The following TENM3 variants were observed in gnomAD, a reference collection of about 807,000 sequenced individuals.
TENM3 encodes the protein teneurin-3.
TENM3 carries 63 observed loss-of-function variants against 255.1 expected under a neutral mutation model. The ratio of observed to expected loss-of-function variants is 0.25; its 90% CI spans 0.20 to 0.30. The LOEUF is 0.30. Among genes scored for constraint, TENM3 ranks in the 10% least tolerant of loss-of-function variants. The pLI is 1.00. For missense variants in TENM3, 2,929 were observed against 3,461.1 expected (o/e 0.85, Z 3.86); for synonymous variants, 1,306 against 1,322.3 (o/e 0.99, Z 0.27).
chr4:182,048,818 AC>A, the TENM3 span, among the ~76,000 whole-genome samples: 1 of 152,200 alleles, frequency 6.6e-6, no homozygotes, highest in African/African-American at 2.4e-5. Flanking sequence ...GCCTGTTGCA[AC>A]ACACTTATTT....
intron 3 of TENM3, among the ~76,000 whole-genome samples, chr4:182,597,796 A>G (rs1747412725): frequency 6.6e-6 from 1 of 152,170 alleles, no homozygotes; most frequent in African/African-American, 2.4e-5. Context: ...GCCACTTCTC[A>G]TGTTTTGTAA....
chr4:182,321,049 T>G (rs1158975505), intron 1 of TENM3, among the ~76,000 whole-genome samples: 1 of 152,362 alleles, frequency 6.6e-6, no homozygotes, highest in Non-Finnish European at 1.5e-5. Context: ...CGAATCTTTA[T>G]TACTAAAAAT....
chr4:181,692,761 G>A, the TENM3 span, among the ~76,000 whole-genome samples: 2 of 152,042 alleles, frequency 1.3e-5, no homozygotes, highest in Non-Finnish European at 2.9e-5. Flanking sequence ...GGCATCAGAG[G>A]GTCTTTGCTG....
intron 3 of TENM3, among the ~76,000 whole-genome samples, chr4:182,421,187 A>G (rs1199239311): frequency 2.0e-5 from 3 of 151,846 alleles, no homozygotes; most frequent in Non-Finnish European, 4.4e-5. Context: ...CATTGTCCTC[A>G]CCCCCTCTTC....
chr4:181,584,447 C>A, the TENM3 span, among the ~76,000 whole-genome samples: 2 of 152,158 alleles, frequency 1.3e-5, no homozygotes, highest in African/African-American at 4.8e-5. Flanking sequence ...CAACATTCCA[C>A]CTTGATGGTA....
the TENM3 span, among the ~76,000 whole-genome samples, chr4:181,882,389 A>G: frequency 1.3e-5 from 2 of 152,252 alleles, no homozygotes; most frequent in South Asian, 4.1e-4. Context: ...GTGAGCCTTT[A>G]TTTTCTCAAT....
chr4:182,263,133 G>A (rs1758969344), intron 1 of TENM3, among the ~76,000 whole-genome samples: 1 of 152,098 alleles, frequency 6.6e-6, no homozygotes, highest in African/African-American at 2.4e-5. Flanking sequence ...CGACCGCGAA[G>A]GGACTGTAGT....
At chr4:182,130,993 T>C in the TENM3 span, among the ~76,000 whole-genome samples, 2 of 152,172 alleles carry the variant, frequency 1.3e-5, no homozygotes, top group African/African-American at 2.4e-5. Flanking sequence ...AAATTGTTAT[T>C]TGATAACAGT....
At chr4:181,975,135 C>CTTTTTTTT in the TENM3 span, 1 of 119,328 alleles carries the variant, frequency 8.4e-6, no homozygotes. Flanking sequence ...TGGAGTAGCT[C>CTTTTTTTT]TTTTTTTTTT....
At chr4:181,565,660 T>C in the TENM3 span, among the ~76,000 whole-genome samples, 4 of 152,308 alleles carry the variant, frequency 2.6e-5, no homozygotes, top group African/African-American at 9.6e-5. Flanking sequence ...ATGTACTAGG[T>C]GTACACTTTA....
chr4:182,177,960 T>TG (rs1293542572), intron 1 of TENM3, among the ~76,000 whole-genome samples: 71 of 133,516 alleles, frequency 5.3e-4, no homozygotes, highest in African/African-American at 1.8e-3. Flanking sequence ...TGGTTTTTGT[T>TG]TTTTTTTTTT....
At chr4:181,676,275 G>A in the TENM3 span, among the ~76,000 whole-genome samples, 1 of 152,210 alleles carries the variant, frequency 6.6e-6, no homozygotes, top group East Asian at 1.9e-4. Context: ...ATATAACATG[G>A]GAGATTAAAA....
At chr4:181,552,567 C>G in the TENM3 span, among the ~76,000 whole-genome samples, 2 of 152,174 alleles carry the variant, frequency 1.3e-5, no homozygotes, top group Non-Finnish European at 2.9e-5. Flanking sequence ...TTTCTATAAA[C>G]CAAAAGCTTC....
intron 3 of TENM3, among the ~76,000 whole-genome samples, chr4:182,521,107 TA>T (rs1738518991): frequency 6.6e-6 from 1 of 152,222 alleles, no homozygotes; most frequent in African/African-American, 2.4e-5. Flanking sequence ...TTGAAGCATC[TA>T]AAACTTAGAA....
At chr4:182,075,893 C>G in the TENM3 span, among the ~76,000 whole-genome samples, 2 of 152,108 alleles carry the variant, frequency 1.3e-5, no homozygotes, top group Non-Finnish European at 2.9e-5. Context: ...TGCAGTCTCA[C>G]CTTAGTTCTT....
upstream of TENM3, chr4:182,143,790 G>A (rs921745572): frequency 6.6e-6 from 1 of 152,562 alleles, no homozygotes; most frequent in Non-Finnish European, 1.5e-5. The surrounding 1 kb of genome is among the most constrained non-coding windows in gnomAD (Gnocchi z 4.3). Context: ...CCTCATCAGA[G>A]CCGAAAGCCG....
the TENM3 span, among the ~76,000 whole-genome samples, chr4:181,924,037 T>G: frequency 2.0e-4 from 30 of 152,274 alleles, no homozygotes; most frequent in African/African-American, 6.0e-4. Flanking sequence ...TTATCAAGAA[T>G]GCAAAGCACT....
At chr4:181,634,385 T>TG in the TENM3 span, among the ~76,000 whole-genome samples, 7 of 13,106 alleles carry the variant, frequency 5.3e-4, no homozygotes, top group Admixed American at 2.8e-3. Context: ...TTTTTAATTC[T>TG]TTTTTTTTTT....
Position 182,318,917 on chromosome 4 carries a change from G to A in TENM3, c.-75-5029G>A, listed in dbSNP as rs538572344. 1.1e-3 allele frequency among the ~76,000 whole-genome samples: 163 copies of A among 152,084 alleles called. 1 individual carries two copies. Among genetic ancestry groups the A allele is most frequent in the African/African-American group, 3.8e-3 (159 of 41,478 alleles). ...TGAGTAGCTAGAACTACAGGCATGTGCCACCATGCCCAGCTAATTTTTGAT... is the reference window on the plus strand; with the variant it reads ...TGAGTAGCTAGAACTACAGGCATGTACCACCATGCCCAGCTAATTTTTGAT... On this transcript the variant is annotated intron_variant, in intron 1 of 27. Transcript: ENST00000511685.
Sources: allele counts gnomAD v4.1 joint callset (sites outside exome capture counted in the v4.1 genomes callset), GRCh38; gene constraint gnomAD v4.1.1; non-coding constraint Gnocchi (gnomAD v3.1); transcripts MANE v1.5; gene names NCBI Gene and HGNC (gene_info 2026-07-23, HGNC 2026-07-21).